ADGRD2: variants seen among roughly 807,000 people sequenced by gnomAD.
ADGRD2 encodes the protein G protein-coupled receptor PGR24.
A neutral mutation model predicts 44.4 loss-of-function variants in ADGRD2; 71 were observed. The ratio of observed to expected loss-of-function variants is 1.60; its 90% CI spans 1.32 to 1.95. The LOEUF (loss-of-function observed/expected upper bound fraction) is 1.95, where lower values mean the gene tolerates loss of function less well. Ranked by LOEUF, ADGRD2 falls within the 30% of genes most tolerant of loss-of-function variation. The pLI is 0.00. For synonymous variants in ADGRD2, 481 were observed against 224.8 expected (o/e 2.14, Z -10.19); for missense variants, 1,039 against 512.4 (o/e 2.03, Z -9.92).
intron 10 of ADGRD2, among the ~76,000 whole-genome samples, chr9:124,460,224 C>T (rs1271735988): frequency 2.1e-5 from 3 of 141,110 alleles, no homozygotes; most frequent in African/African-American, 8.0e-5. Context: ...TTTTTTGAGA[C>T]TGAGTCTCAC....
chr9:124,453,091 C>G (rs906751756), exon 3 of ADGRD2: 1 of 693,892 alleles, frequency 1.4e-6, no homozygotes, highest in South Asian at 1.5e-5. Flanking sequence ...CCGGGCGGCG[C>G]GGCTGCGGAG....
chr9:124,453,297 A>T, exon 3 of ADGRD2: 1 of 487,022 alleles, frequency 2.1e-6, no homozygotes, highest in South Asian at 3.3e-5. Flanking sequence ...CCTTCCTCGC[A>T]GCCTTCCGCG....
chr9:124,467,572 T>A, intron 11 of ADGRD2, 149 bp from the exon 15 acceptor site: 1 of 617,370 alleles, frequency 1.6e-6, no homozygotes, highest in East Asian at 2.7e-5. Flanking sequence ...ATTAAATGCC[T>A]ACTGTGTGCA....
chr9:124,452,515 G>A (rs779022881), exon 2 of ADGRD2: 2 of 718,504 alleles, frequency 2.8e-6, no homozygotes, highest in South Asian at 3.0e-5. Context: ...TTTAGCCCCC[G>A]TGGCCGCCGG....
At chr9:124,477,513 C>T (rs1486196883) in intron 21 of ADGRD2, among the ~76,000 whole-genome samples, 1 of 152,234 alleles carries the variant, frequency 6.6e-6, no homozygotes, top group Non-Finnish European at 1.5e-5. Context: ...ACCCATTGCG[C>T]GGATGAGGAA....
intron 17 of ADGRD2, among the ~76,000 whole-genome samples, chr9:124,473,371 A>G (rs1329582442): frequency 4.6e-5 from 7 of 152,218 alleles, no homozygotes; most frequent in Admixed American, 4.6e-4. Context: ...GCCCTGGTGG[A>G]CAGAGCCTTG....
At chr9:124,468,354 G>A (rs1831872986) in intron 13 of ADGRD2, among the ~76,000 whole-genome samples, 164 bp downstream of exon 16, 1 of 152,216 alleles carries the variant, frequency 6.6e-6, no homozygotes, top group African/African-American at 2.4e-5. Context: ...AAGGGCCCTG[G>A]GAGGAAAGGC....
upstream of ADGRD2, among the ~76,000 whole-genome samples, chr9:124,450,925 C>T (rs1831454444): frequency 6.6e-6 from 1 of 152,216 alleles, no homozygotes; most frequent in South Asian, 2.1e-4. Flanking sequence ...AGCAGAGACC[C>T]AGGAGGCTCT....
intron 10 of ADGRD2, among the ~76,000 whole-genome samples, chr9:124,459,278 G>C (rs1317794917): frequency 1.3e-5 from 2 of 152,164 alleles, no homozygotes; most frequent in East Asian, 1.9e-4. Context: ...GATCACTTGA[G>C]GTCAGGAGTT....
chr9:124,476,906 C>T, intron 21 of ADGRD2, 197 bp downstream of exon 24: 1 of 704,936 alleles, frequency 1.4e-6, no homozygotes. Context: ...CTTGGGAGGA[C>T]TTCATTAGAG....
At chr9:124,472,977 C>T (rs545207861) in intron 17 of ADGRD2, among the ~76,000 whole-genome samples, 2 of 152,348 alleles carry the variant, frequency 1.3e-5, no homozygotes, top group South Asian at 2.1e-4. Flanking sequence ...TGGGCCCCGC[C>T]GCTGACAGTC....
At chr9:124,462,426 T>C (rs1831738993) in intron 10 of ADGRD2, among the ~76,000 whole-genome samples, 1 of 152,210 alleles carries the variant, frequency 6.6e-6, no homozygotes, top group African/African-American at 2.4e-5. Flanking sequence ...CCATATAGAT[T>C]TTAGAATCAG....
At position 124,453,263 on chromosome 9, in the gene ADGRD2, TG is replaced by T; in HGVS notation, c.512del (p.Val172TrpfsTer93). On this transcript the variant is annotated frameshift_variant, in exon 3 of 22. Transcript: ENST00000334810. LOFTEE classifies it high-confidence loss of function. ...CCGGGGGGCGTCGTGCGCGCTGCGC[TG>T]GTGGTGCGTGGGCAGCACGCGCCCT... 1.9e-6 allele frequency: 1 copy of T among 529,398 alleles called. No homozygotes were observed. The highest frequency in any genetic ancestry group is 2.4e-5 in the South Asian group (1 of 41,308). The allele number at this position is 529,398 out of a possible 1,614,324, so 32.8% of individuals were successfully genotyped here. A position where few individuals can be genotyped will look rare whatever the true frequency, so the allele number is the denominator to read the frequency against.
At chr9:124,461,230 C>T (rs534367017) in intron 10 of ADGRD2, among the ~76,000 whole-genome samples, 6 of 152,134 alleles carry the variant, frequency 3.9e-5, no homozygotes, top group Admixed American at 2.0e-4. Context: ...GAATAATTTC[C>T]GCTAGTCTGT....
At chr9:124,477,009 C>T in intron 21 of ADGRD2, 1 of 648,458 alleles carries the variant, frequency 1.5e-6, no homozygotes, top group Non-Finnish European at 2.9e-6. Context: ...GGGGGCGCTG[C>T]CAAGGAGCAC....
At position 124,454,790 on chromosome 9, in the gene ADGRD2, G is replaced by A; in HGVS notation, c.1109-53G>A. 1.6e-6 allele frequency: 1 copy of A among 637,022 alleles called. No homozygotes were observed. The highest frequency in any genetic ancestry group is 2.9e-6 in the Non-Finnish European group (1 of 349,664). The allele number at this position is 637,022 out of a possible 1,614,324, so 39.5% of individuals were successfully genotyped here. On this transcript the variant is annotated intron_variant, in intron 5 of 21. Coordinates refer to ENST00000334810, the Ensembl canonical transcript of ADGRD2. The surrounding 1 kb of genome is among the most constrained non-coding windows in gnomAD (Gnocchi z 4.5). ...GGCAAAGCCCAAGTGTGGCCCTTGG[G>A]GGGATCCCCTCATAACAACCAGACC...
At chr9:124,475,414 C>G (rs750327771) in intron 17 of ADGRD2, 32 bp from the exon 21 acceptor site, 5 of 706,660 alleles carry the variant, frequency 7.1e-6, no homozygotes, top group Non-Finnish European at 1.3e-5. Context: ...TAGGAGGCTC[C>G]GGGCTGAGGC....
At chr9:124,473,730 C>CA (rs1287342009) in intron 17 of ADGRD2, among the ~76,000 whole-genome samples, 1 of 152,200 alleles carries the variant, frequency 6.6e-6, no homozygotes, top group East Asian at 1.9e-4. Context: ...GGCCGAGAGA[C>CA]AAGGGGCCTT....
chr9:124,453,872 AC>A (rs1831559340), intron 3 of ADGRD2, 126 bp from the exon 7 acceptor site: 1 of 580,866 alleles, frequency 1.7e-6, no homozygotes, highest in Non-Finnish European at 3.1e-6. Flanking sequence ...CGGCCCCCTT[AC>A]CCCCACCCCG....
Sources: gnomAD v4.1 joint callset for allele counts (sites outside exome capture counted in the v4.1 genomes callset) on GRCh38, gnomAD v4.1.1 for gene constraint, Gnocchi (gnomAD v3.1) non-coding constraint, MANE v1.5 for transcripts, NCBI Gene and HGNC (gene_info 2026-07-23, HGNC 2026-07-21) for gene names.